The following SART3 variants were observed in gnomAD, a reference collection of about 807,000 sequenced individuals.
The protein encoded by SART3 is HIV-1 Tat-interacting protein of 110kDa.
SART3 carries 44 observed loss-of-function variants against 122.3 expected under a neutral mutation model. The ratio of observed to expected loss-of-function variants is 0.36; its 90% CI spans 0.28 to 0.46. The LOEUF (loss-of-function observed/expected upper bound fraction) is 0.46, where lower values mean the gene tolerates loss of function less well. SART3 is among the 20% of genes least tolerant of loss of function. The pLI, the probability that SART3 is intolerant of heterozygous loss-of-function variation, is 1.00. For missense variants in SART3, 1,101 were observed against 1,229.0 expected, an observed-to-expected ratio of 0.90 and a Z score of 1.56; for synonymous variants, 442 against 454.0, an observed-to-expected ratio of 0.97 and a Z score of 0.34.
Position 108,538,929 on chromosome 12 carries a change from C to T in SART3, c.1062+5G>A. ...AATAAAATGAAATTAGAACAGTGAT[C>T]TTACTAGGTACTGACTGTAACGGAT... On this transcript the variant is annotated splice_donor_5th_base_variant and intron_variant, in intron 7 of 18. Transcript: ENST00000546815. The T allele has an allele frequency of 6.2e-7, 1 of 1,614,126 alleles. No homozygotes were observed. The highest frequency in any genetic ancestry group is 8.5e-7 in the Non-Finnish European group (1 of 1,179,992).
At chr12:108,534,261 GT>G (rs1243394339) in intron 12 of SART3, among the ~76,000 whole-genome samples, 7 of 152,004 alleles carry the variant, frequency 4.6e-5, no homozygotes, top group Admixed American at 2.0e-4. Flanking sequence ...ATACATAAAA[GT>G]TTTTTGGGAT....
intron 5 of SART3, among the ~76,000 whole-genome samples, chr12:108,543,933 C>T (rs1046707130): frequency 6.6e-6 from 1 of 152,180 alleles, no homozygotes; most frequent in Non-Finnish European, 1.5e-5. Context: ...AACTCTTTAC[C>T]AAACCCCAAG....
Position 108,544,424 on chromosome 12 carries a change from T to C in SART3, c.781+3A>G. 6.2e-7 allele frequency: 1 copy of C among 1,613,322 alleles called. No homozygotes were observed. Among genetic ancestry groups the C allele is most frequent in the Non-Finnish European group, 8.5e-7 (1 of 1,179,184 alleles). ...TGGCTGTTGACATGTCAGTTTCTCTTACCATAGAGTGGGATCGCCAACTGT... is the reference window on the plus strand; with the variant it reads ...TGGCTGTTGACATGTCAGTTTCTCTCACCATAGAGTGGGATCGCCAACTGT... On this transcript the variant is annotated splice_donor_region_variant and intron_variant, in intron 5 of 18. Transcript: ENST00000546815.
In SART3 at chr12:108,546,268, C is replaced by T. The variant is rs575042566; in HGVS notation, c.545-945G>A. Among the ~76,000 whole-genome samples, 5 of 152,246 alleles carry T rather than the reference C, an allele frequency of 3.3e-5. No individual in the cohort carries two copies. In the South Asian group the frequency reaches 6.2e-4, roughly 19 times the overall value. ...AGGCTAGCGTGCAGAGGCATGATCA[C>T]GGCTCACTGCACCCTCTACCTCCTG... is the stretch of plus-strand genomic sequence containing the variant. On this transcript the variant is annotated intron_variant, in intron 3 of 18. Transcript: ENST00000546815.
In SART3 at chr12:108,561,110, C is replaced by T. The variant is rs146765018; in HGVS notation, c.45G>A (p.Glu15=). 18 of 1,613,856 alleles carry T rather than the reference C, an allele frequency of 1.1e-5. No homozygotes were observed. The highest frequency in any genetic ancestry group is 1.4e-5 in the Non-Finnish European group (17 of 1,179,816). Residue 15 remains glutamate (E), a synonymous_variant, in exon 1 of 19, where the codon GAG becomes GAA. Transcript: ENST00000546815. The part of the protein sequence containing the change: ...AETSASEPEA[E]SKAGPKADGE... The stretch of plus-strand genomic sequence containing the variant: ...CGTCAGCCTTGGGCCCAGCCTTGGA[C>T]TCAGCCTCGGGTTCTGAAGCCGAGG...
chr12:108,546,020 C>T (rs112692923), intron 3 of SART3, among the ~76,000 whole-genome samples: 10 of 149,790 alleles, frequency 6.7e-5, no homozygotes, highest in Middle Eastern at 3.5e-3. Context: ...CATAAAACAC[C>T]GCTTATTTTC....
At chr12:108,548,956 G>T in intron 2 of SART3, 132 bp downstream of exon 2, 2 of 1,347,540 alleles carry the variant, frequency 1.5e-6, no homozygotes, top group Non-Finnish European at 2.1e-6. Context: ...AGCTAACTCT[G>T]ATGCGTTTTC....
intron 1 of SART3, chr12:108,549,447 A>C: frequency 2.0e-6 from 1 of 500,538 alleles, no homozygotes; most frequent in South Asian, 2.2e-5. Flanking sequence ...CTGTTAGAAG[A>C]CATTTGGGTT....
intron 1 of SART3, among the ~76,000 whole-genome samples, chr12:108,554,812 G>A (rs996001389): frequency 2.0e-5 from 3 of 151,860 alleles, no homozygotes; most frequent in African/African-American, 7.2e-5. Flanking sequence ...AAAAGAAACA[G>A]ATATAGAGAA....
Position 108,561,147 on chromosome 12 carries a change from G to C in SART3, c.8C>G (p.Thr3Ser). 1 of 1,613,336 alleles carries C rather than the reference G, an allele frequency of 6.2e-7. No individual in the cohort carries two copies. Residue 3 changes from threonine to serine, a missense_variant, in exon 1 of 19, where the codon ACT becomes AGT. By Grantham distance (58) the Thr-to-Ser change is moderately conservative. This residue lies in a region of SART3 where 216 missense variants were observed against 148.9 expected (regional missense o/e 1.45). Transcript: ENST00000546815. ...TTCTGAAGCCGAGGTTTCGGCCGCA[G>C]TCGCCATCTTGCGCTTCTAATGACT... MA[T>S]AAETSASEPE... is the part of the protein sequence containing the mutation.
At position 108,560,883 on chromosome 12, in the gene SART3, T is replaced by A; in HGVS notation, c.272A>T (p.Glu91Val). 6.2e-7 allele frequency: 1 copy of A among 1,606,732 alleles called. No individual in the cohort carries two copies. The highest frequency in any genetic ancestry group is 1.1e-5 in the South Asian group (1 of 90,694). Reference protein sequence around the residue: ...GEYEWEYDEEEEKNQLEIERL... With the variant: ...GEYEWEYDEEVEKNQLEIERL... ...CTCAATCTCCAGCTGGTTTTTCTCC[T>A]CCTCTTCGTCATATTCCCACTCGTA... The change falls in exon 1 of 19, where the codon GAG (glutamate) becomes GTG (valine). Residue 91 changes from glutamate (E) to valine (V), a missense_variant. Transcript: ENST00000546815.
Position 108,536,527 on chromosome 12 carries a change from C to T in SART3, c.1433G>A (p.Trp478Ter). Residue 478 changes from tryptophan to a stop codon, truncating the protein, a stop_gained, in exon 11 of 19, where the codon TGG (tryptophan) becomes TAG (stop). Transcript: ENST00000546815. LOFTEE classifies it high-confidence loss of function. ...GDPSCVIMQNWARIEARLCNN... is the reference protein window; with the variant it reads ...GDPSCVIMQN ...AAAAACATTTACCTCAATCCTAGCC[C>T]AGTTCTGCATAATCACGCAGCTTGG... 1 of 1,614,118 alleles carries T rather than the reference C, an allele frequency of 6.2e-7. No homozygotes were observed. Among genetic ancestry groups the T allele is most frequent in the South Asian group, 1.1e-5 (1 of 91,080 alleles).
At chr12:108,542,066 C>CA (rs1373555439) in intron 6 of SART3, among the ~76,000 whole-genome samples, 4 of 138,452 alleles carry the variant, frequency 2.9e-5, no homozygotes, top group Admixed American at 1.6e-4. Context: ...AGGCTGATCT[C>CA]AAACTCCTGG....
chr12:108,547,937 T>C lies in SART3; in HGVS notation c.494A>G (p.Asp165Gly). Residue 165 changes from aspartate to glycine, a missense_variant, in exon 3 of 19, where the codon GAC becomes GGC. Coordinates refer to ENST00000546815, the MANE Select transcript of SART3 (RefSeq NM_014706.4). The part of the protein sequence containing the change: ...DEISMAQDGL[D>G]REHVYDLFEK... Reference sequence around the variant, plus strand: ...AAAGAGGTCATACACGTGCTCTCTGTCCAGGCCATCCTGGGCCATGCTGAT... The same window carrying C: ...AAAGAGGTCATACACGTGCTCTCTGCCCAGGCCATCCTGGGCCATGCTGAT... 6.2e-7 allele frequency: 1 copy of C among 1,613,786 alleles called. No individual in the cohort carries two copies. Among genetic ancestry groups the C allele is most frequent in the Non-Finnish European group, 8.5e-7 (1 of 1,180,000 alleles).
At position 108,537,582 on chromosome 12, in the gene SART3, T is replaced by C; in HGVS notation, c.1215A>G (p.Lys405=). The change falls in exon 9 of 19, where the codon AAA becomes AAG. Residue 405 remains lysine (K), a synonymous_variant. Transcript: ENST00000546815. ...DHQVISVTFE[K]ALNAGFIQAT... ...CCTGGATGAAGCCGGCATTCAAAGC[T>C]TTCTCGAAGGTTACTGGAGTTGGAG... The C allele has an allele frequency of 6.2e-7, 1 of 1,614,032 alleles. No individual in the cohort carries two copies. Among genetic ancestry groups the C allele is most frequent in the Non-Finnish European group, 8.5e-7 (1 of 1,179,904 alleles).
At chr12:108,542,593 T>C (rs1873218251) in intron 6 of SART3, among the ~76,000 whole-genome samples, 1 of 152,116 alleles carries the variant, frequency 6.6e-6, no homozygotes, top group African/African-American at 2.4e-5. Flanking sequence ...CTTAGCAACA[T>C]GAGTAAAACC....
intron 7 of SART3, among the ~76,000 whole-genome samples, chr12:108,538,559 A>C (rs1251808363): frequency 6.6e-6 from 1 of 152,214 alleles, no homozygotes; most frequent in Admixed American, 6.5e-5. Context: ...AGTAGGTGAG[A>C]CTACAGATCA....
Position 108,539,013 on chromosome 12 carries a change from C to T in SART3, c.983G>A (p.Arg328His), listed in dbSNP as rs746902222. 16 of 1,614,046 alleles carry T rather than the reference C, an allele frequency of 9.9e-6. No homozygotes were observed. The East Asian group carries it at 1.8e-4, about 18-fold the overall frequency. The change falls in exon 7 of 19, where the codon CGC (arginine) becomes CAC (histidine). Residue 328 changes from arginine (R) to histidine (H), a missense_variant. Arg to His is a conservative substitution (Grantham distance 29). Around this residue, in one of 2 missense-constraint regions of SART3, gnomAD observed 885 missense variants for 1,080.1 expected, o/e 0.82. Transcript: ENST00000546815. ...GGCGCGCTCAAAGATCAACTGAATG[C>T]GAGCAGGATCGCCAATTTTCATCTC... Reference protein sequence around the residue: ...DFEMKIGDPARIQLIFERALV... With the variant: ...DFEMKIGDPAHIQLIFERALV...
rs991153639 is a variant in SART3, at chr12:108,536,691, G to A, written c.1387+17C>T. 4 of 1,613,666 alleles carry A rather than the reference G, an allele frequency of 2.5e-6. No homozygotes were observed. Among genetic ancestry groups the A allele is most frequent in the South Asian group, 1.1e-5 (1 of 91,064 alleles). The stretch of plus-strand genomic sequence containing the variant: ...GGAAATACAACTGGGCAAAACCACA[G>A]GCTGGGGCATACTTACGCTCTTCCA... On this transcript the variant is annotated intron_variant, in intron 10 of 18. Transcript: ENST00000546815.
Sources: allele counts gnomAD v4.1 joint callset (sites outside exome capture counted in the v4.1 genomes callset), GRCh38; gene constraint gnomAD v4.1.1; regional missense constraint gnomAD v4.1.1; transcripts MANE v1.5; gene names NCBI Gene and HGNC (gene_info 2026-07-23, HGNC 2026-07-21).